Variants in WDFY3 observed in about 807,000 individuals in gnomAD.
WDFY3 encodes WD repeat and FYVE domain containing 3.
Under a neutral mutation model 409.6 loss-of-function variants are expected in WDFY3, and 66 were observed. The ratio of observed to expected loss-of-function variants is 0.16; its 90% CI spans 0.13 to 0.20. The LOEUF is 0.20. Ranked by LOEUF, WDFY3 falls within the 10% of genes least tolerant of loss-of-function variation. The pLI is 1.00. For synonymous variants in WDFY3, 1,521 were observed against 1,537.1 expected (o/e 0.99, Z 0.25); for missense variants, 3,031 against 4,298.1 (o/e 0.71, Z 8.24).
Position 84,741,806 on chromosome 4 carries a change from T to C in WDFY3, c.6189A>G (p.Lys2063=). 1 of 1,613,016 alleles carries C rather than the reference T, an allele frequency of 6.2e-7. No homozygotes were observed. The highest frequency in any genetic ancestry group is 8.5e-7 in the Non-Finnish European group (1 of 1,179,210). ...TAAAATCTATAAGAAGTTTAGATTC[T>C]TTGTTGAACATGCCTTGCCAAAGCT... The part of the protein sequence containing the change: ...VDKLWQGMFN[K]ESKLLIDFII... The change falls in exon 38 of 68, where the codon AAA becomes AAG. Residue 2063 remains lysine, a synonymous_variant. Transcript: ENST00000295888.
intron 19 of WDFY3, among the ~76,000 whole-genome samples, chr4:84,796,258 C>T (rs1749424526): frequency 6.7e-6 from 1 of 150,362 alleles, no homozygotes; most frequent in East Asian, 1.9e-4. Context: ...AAAAAATTTG[C>T]AAAAGTGTTA....
At chr4:84,931,437 G>A (rs1375794107) in intron 2 of WDFY3, among the ~76,000 whole-genome samples, 1 of 152,154 alleles carries the variant, frequency 6.6e-6, no homozygotes, top group African/African-American at 2.4e-5. Flanking sequence ...TTGGGAGGCA[G>A]TGGCAAGCAG....
rs1474134640 is a variant in WDFY3, at chr4:84,696,941, A to G, written c.8597-118T>C. The G allele has an allele frequency of 1.5e-5, 12 of 807,270 alleles. No homozygotes were observed. In the African/African-American group the frequency reaches 1.9e-4, roughly 13 times the overall value. 50.0% of individuals were successfully genotyped at this position (807,270 alleles called of 1,614,324 possible). ...TTCAATACCAGAACGCTAAAATTGT[A>G]CACCAGAAAGGACTTCAGAGATTAT... On this transcript the variant is annotated intron_variant, in intron 56 of 67. Coordinates refer to ENST00000295888, the MANE Select transcript of WDFY3 (RefSeq NM_014991.6).
chr4:84,951,252 A>G (rs1338288473), intron 1 of WDFY3, among the ~76,000 whole-genome samples: 3 of 152,096 alleles, frequency 2.0e-5, no homozygotes, highest in Non-Finnish European at 4.4e-5. Flanking sequence ...TTTATCTTCT[A>G]TTTTCTTCGT....
intron 7 of WDFY3, among the ~76,000 whole-genome samples, chr4:84,835,208 G>A (rs1756402264): frequency 6.6e-6 from 1 of 152,158 alleles, no homozygotes; most frequent in African/African-American, 2.4e-5. Context: ...TGCTTATGTA[G>A]GTATTAAAAG....
At chr4:84,944,894 T>C (rs980507127) in intron 1 of WDFY3, among the ~76,000 whole-genome samples, 1 of 152,208 alleles carries the variant, frequency 6.6e-6, no homozygotes, top group African/African-American at 2.4e-5. Context: ...ATTACTTCTG[T>C]AGTAGACACT....
At chr4:84,843,132 A>AC (rs1427846999) in intron 5 of WDFY3, among the ~76,000 whole-genome samples, 1 of 152,220 alleles carries the variant, frequency 6.6e-6, no homozygotes, top group Non-Finnish European at 1.5e-5. Flanking sequence ...TATATTCCTT[A>AC]CAATAGTATA....
intron 2 of WDFY3, among the ~76,000 whole-genome samples, chr4:84,903,450 G>A (rs1480591354): frequency 6.6e-6 from 1 of 152,110 alleles, no homozygotes; most frequent in East Asian, 1.9e-4. Flanking sequence ...CTCCTGTGTA[G>A]CTGCAAGTAC....
intron 29 of WDFY3, among the ~76,000 whole-genome samples, chr4:84,774,046 G>A (rs1481112118): frequency 2.0e-5 from 3 of 152,104 alleles, no homozygotes. Flanking sequence ...ATGTTTTGAA[G>A]GCAAATTAAT....
intron 40 of WDFY3, among the ~76,000 whole-genome samples, chr4:84,738,728 T>C (rs1737895757): frequency 6.6e-6 from 1 of 152,238 alleles, no homozygotes; most frequent in African/African-American, 2.4e-5. Context: ...CAGTTCTCTT[T>C]ATAGTTAATT....
chr4:84,735,824 A>T (rs1737347297), intron 42 of WDFY3, among the ~76,000 whole-genome samples: 1 of 152,250 alleles, frequency 6.6e-6, no homozygotes. Context: ...ACAAGATTGT[A>T]AAAATTAAAA....
rs757773291 is a variant in WDFY3, at chr4:84,690,567, A to C, written c.9302T>G (p.Val3101Gly). The change falls in exon 61 of 68, where the codon GTT (valine) becomes GGT (glycine). Residue 3101 changes from valine to glycine, a missense_variant. By Grantham distance (109) the Val-to-Gly change is moderately radical (BLOSUM62 -3). Around this residue, in one of 16 missense-constraint regions of WDFY3, gnomAD observed 152 missense variants for 193.5 expected, o/e 0.79. Coordinates refer to ENST00000295888, the MANE Select transcript of WDFY3 (RefSeq NM_014991.6). ...KLVITGGTST[V>G]VCVWEMGTSK... The stretch of plus-strand genomic sequence containing the variant: ...GGTGCCCATCTCCCACACACACACA[A>C]CCGTGCTTGTTCCACCCGTGATGAC... The C allele has an allele frequency of 6.2e-7, 1 of 1,614,024 alleles. No homozygotes were observed. The highest frequency in any genetic ancestry group is 8.5e-7 in the Non-Finnish European group (1 of 1,180,000).
At chr4:84,704,250 A>T in intron 55 of WDFY3, 88 bp downstream of exon 55, 1 of 991,312 alleles carries the variant, frequency 1.0e-6, no homozygotes, top group Non-Finnish European at 1.4e-6. Flanking sequence ...AGCTTCTTAT[A>T]ATAGAAGATA....
intron 55 of WDFY3, among the ~76,000 whole-genome samples, chr4:84,703,551 C>G (rs1731416471): frequency 6.6e-6 from 1 of 152,328 alleles, no homozygotes; most frequent in African/African-American, 2.4e-5. Flanking sequence ...TTACTCTATT[C>G]TGGACACACT....
At chr4:84,723,482 G>T (rs1171329627) in intron 46 of WDFY3, among the ~76,000 whole-genome samples, 6 of 151,860 alleles carry the variant, frequency 4.0e-5, no homozygotes. Flanking sequence ...ACACTTTAGG[G>T]CTTTATAGAC....
At chr4:84,685,721 CAG>C (rs1340180259) in intron 62 of WDFY3, among the ~76,000 whole-genome samples, 1 of 152,134 alleles carries the variant, frequency 6.6e-6, no homozygotes, top group East Asian at 1.9e-4. Flanking sequence ...AGAAACACAA[CAG>C]AAATAGAAAT....
rs910686004 is a variant in WDFY3 at position 84,692,754 on chromosome 4, C to T, written c.9049+131G>A. 70 of 848,200 alleles carry T rather than the reference C, an allele frequency of 8.3e-5. No homozygotes were observed. In the African/African-American group the frequency reaches 8.4e-4, roughly 10 times the overall value. 52.5% of individuals were successfully genotyped at this position (848,200 alleles called of 1,614,324 possible). A position where few individuals can be genotyped will look rare whatever the true frequency, so the allele number is the denominator to read the frequency against. On this transcript the variant is annotated intron_variant, in intron 59 of 67. Coordinates refer to ENST00000295888, the MANE Select transcript of WDFY3 (RefSeq NM_014991.6). Reference sequence around the variant, plus strand: ...TAAATACTAGTAGGTATTTAGTAATCTAACACAAAATGTATGGCACTTATT... The same window carrying T: ...TAAATACTAGTAGGTATTTAGTAATTTAACACAAAATGTATGGCACTTATT...
intron 4 of WDFY3, among the ~76,000 whole-genome samples, chr4:84,853,596 A>G (rs567387157): frequency 2.6e-5 from 4 of 152,350 alleles, no homozygotes; most frequent in Non-Finnish European, 4.4e-5. Flanking sequence ...TAGGACAACT[A>G]AACAGAACCA....
intron 10 of WDFY3, among the ~76,000 whole-genome samples, chr4:84,823,500 C>A (rs1395367020): frequency 6.6e-6 from 1 of 151,256 alleles, no homozygotes; most frequent in African/African-American, 2.4e-5. Flanking sequence ...AAAAAAAAAC[C>A]AGCAAGTCAA....
Sources: gnomAD v4.1 joint callset for allele counts (sites outside exome capture counted in the v4.1 genomes callset) on GRCh38, gnomAD v4.1.1 for gene constraint, gnomAD v4.1.1 regional missense constraint, MANE v1.5 for transcripts, NCBI Gene and HGNC (gene_info 2026-07-23, HGNC 2026-07-21) for gene names.